ZEB2: variants seen among roughly 807,000 people sequenced by gnomAD.
ZEB2 encodes zinc finger E-box binding homeobox 2, also known as zinc finger E-box-binding homeobox 2.
Under a neutral mutation model 99.9 loss-of-function variants are expected in ZEB2, and 6 were observed. The observed-to-expected ratio is 0.06, with a 90% confidence interval of 0.03 to 0.12. ZEB2 has a LOEUF of 0.12. Among genes scored for constraint, ZEB2 ranks in the 10% least tolerant of loss-of-function variants. The pLI is 1.00. For synonymous variants in ZEB2, 517 were observed against 542.5 expected (o/e 0.95, Z 0.65); for missense variants, 969 against 1,502.8 (o/e 0.64, Z 5.87).
intron 4 of ZEB2, among the ~76,000 whole-genome samples, chr2:144,414,998 T>C (rs1044215130): frequency 5.0e-5 from 7 of 140,176 alleles, no homozygotes; most frequent in Non-Finnish European, 7.7e-5. Context: ...AATTTTTACT[T>C]TTTTTCTTTT....
chr2:144,385,882 C>G lies in ZEB2; in HGVS notation c.*3569G>C, dbSNP rs1020567642. ...TCTAATACATTTATTCATATTTATT[C>G]AAATATAGTCCCTTCTTTCCCCTTT... On this transcript the variant is annotated 3_prime_UTR_variant, in exon 10 of 10. Transcript: ENST00000627532. The G allele has an allele frequency of 2.0e-5, 3 of 152,050 alleles. No individual in the cohort carries two copies. Among genetic ancestry groups the G allele is most frequent in the African/African-American group, 7.2e-5 (3 of 41,406 alleles). The allele number at this position is 152,050 out of a possible 1,614,324, so 9.4% of individuals were successfully genotyped here.
rs761743497 is a variant in ZEB2 at position 144,429,693 on chromosome 2, G to A, written c.331+76C>T. The stretch of plus-strand genomic sequence containing the variant: ...ATATTTTAATTATTTGGTTGTGGGC[G>A]ATCTGCTAGGTGGAACAGATTAGTT... On this transcript the variant is annotated intron_variant, in intron 3 of 9. Coordinates refer to ENST00000627532, the MANE Select transcript of ZEB2 (RefSeq NM_014795.4). The A allele has an allele frequency of 1.2e-5, 20 of 1,603,886 alleles. No individual in the cohort carries two copies. In the African/African-American group the frequency reaches 1.6e-4, roughly 13 times the overall value.
chr2:144,454,463 T>C (rs553945391), intron 2 of ZEB2, among the ~76,000 whole-genome samples: 68 of 152,274 alleles, frequency 4.5e-4, no homozygotes, highest in Middle Eastern at 3.4e-3. Context: ...CGTTTTTTGT[T>C]TTATCATCCA....
intron 9 of ZEB2, among the ~76,000 whole-genome samples, chr2:144,391,112 C>A (rs1016407135): frequency 6.6e-6 from 1 of 152,170 alleles, no homozygotes; most frequent in African/African-American, 2.4e-5. Context: ...TGCTAAGTGT[C>A]ATGTTATAAG....
At chr2:144,480,535 T>A (rs1178306051) in intron 2 of ZEB2, among the ~76,000 whole-genome samples, 1 of 152,138 alleles carries the variant, frequency 6.6e-6, no homozygotes, top group Non-Finnish European at 1.5e-5. Context: ...ATTACAAGAA[T>A]GTTTAAGGAC....
intron 2 of ZEB2, among the ~76,000 whole-genome samples, chr2:144,452,839 G>A (rs930907359): frequency 2.6e-5 from 4 of 152,154 alleles, no homozygotes; most frequent in Admixed American, 2.6e-4. Context: ...TTTACGTGGG[G>A]ACAGGGGGGC....
intron 2 of ZEB2, among the ~76,000 whole-genome samples, chr2:144,502,114 G>T (rs907014511): frequency 6.6e-6 from 1 of 152,088 alleles, no homozygotes; most frequent in Non-Finnish European, 1.5e-5. Flanking sequence ...GTTTTACCCC[G>T]GAGATTCCAT....
intron 9 of ZEB2, among the ~76,000 whole-genome samples, chr2:144,395,610 G>A (rs1009358315): frequency 1.3e-5 from 2 of 152,164 alleles, no homozygotes; most frequent in Non-Finnish European, 2.9e-5. Context: ...TTATTGTTCA[G>A]GGAGGTGGGG....
intron 2 of ZEB2, among the ~76,000 whole-genome samples, chr2:144,498,376 C>T (rs1016310354): frequency 6.6e-6 from 1 of 151,384 alleles, no homozygotes; most frequent in Admixed American, 6.6e-5. Context: ...CCTCCTCCAT[C>T]CCACCACTCT....
At chr2:144,454,642 T>G (rs1573764743) in intron 2 of ZEB2, among the ~76,000 whole-genome samples, 1 of 152,320 alleles carries the variant, frequency 6.6e-6, no homozygotes, top group Middle Eastern at 3.4e-3. Context: ...TGTGTTTTGA[T>G]TAATATTGCA....
chr2:144,438,366 G>C (rs1207000265), intron 2 of ZEB2, among the ~76,000 whole-genome samples: 1 of 152,130 alleles, frequency 6.6e-6, no homozygotes, highest in Non-Finnish European at 1.5e-5. Context: ...CTTCAAGGTA[G>C]CAAGAGGTGT....
Position 144,388,936 on chromosome 2 carries a change from G to GAA in ZEB2, c.*513_*514dup. The GAA allele has an allele frequency of 1.6e-5, 6 of 371,850 alleles. No individual in the cohort carries two copies. Among genetic ancestry groups the GAA allele is most frequent in the South Asian group, 6.3e-5 (3 of 47,312 alleles). 23.0% of individuals were successfully genotyped at this position (371,850 alleles called of 1,614,324 possible). ...CTAAAATTGTGTGGTTACTTAAGCTGAAAAAAAAAATGGGAAATTGATGAA... is the reference window on the plus strand; with the variant it reads ...CTAAAATTGTGTGGTTACTTAAGCTGAAAAAAAAAAAATGGGAAATTGATGAA... On this transcript the variant is annotated 3_prime_UTR_variant, in exon 10 of 10. Coordinates refer to ENST00000627532, the MANE Select transcript of ZEB2 (RefSeq NM_014795.4). This position sits in a 1 kb window ranked among gnomAD's most constrained non-coding sequence, Gnocchi z 5.4.
intron 2 of ZEB2, among the ~76,000 whole-genome samples, chr2:144,452,095 G>A (rs905916547): frequency 2.6e-5 from 4 of 152,074 alleles, no homozygotes; most frequent in Admixed American, 2.0e-4. Context: ...CCACTCACTC[G>A]TACTGTATCT....
intron 2 of ZEB2, among the ~76,000 whole-genome samples, chr2:144,436,366 T>C (rs998744436): frequency 1.3e-5 from 2 of 152,212 alleles, no homozygotes; most frequent in African/African-American, 2.4e-5. Context: ...CATTATAAAT[T>C]AATGAGTTGT....
chr2:144,410,421 G>A (rs959903736), intron 4 of ZEB2, among the ~76,000 whole-genome samples: 1 of 152,138 alleles, frequency 6.6e-6, no homozygotes, highest in Non-Finnish European at 1.5e-5. Context: ...TTTTCAGACA[G>A]ATAATAATAA....
chr2:144,511,231 T>A lies in ZEB2; in HGVS notation c.73+6047A>T, dbSNP rs138761488. Among the ~76,000 whole-genome samples, 213 of 152,278 alleles carry A rather than the reference T, an allele frequency of 1.4e-3. 1 individual carries two copies. Among genetic ancestry groups the A allele is most frequent in the African/African-American group, 5.1e-3 (213 of 41,550 alleles). ...ATTTTCTTTTAAACAGGTGTATTCA[T>A]GTGGGCTACATATATGCATAATATG... On this transcript the variant is annotated intron_variant, in intron 2 of 9. Coordinates refer to ENST00000627532, the MANE Select transcript of ZEB2 (RefSeq NM_014795.4).
intron 2 of ZEB2, 106 bp downstream of exon 2, chr2:144,517,172 C>G: frequency 7.1e-7 from 1 of 1,402,540 alleles, no homozygotes; most frequent in Non-Finnish European, 1.0e-6. Context: ...GAGCCCTGGG[C>G]GCCGCCGCCG....
chr2:144,413,260 A>G (rs1461029077), intron 4 of ZEB2, among the ~76,000 whole-genome samples: 1 of 152,234 alleles, frequency 6.6e-6, no homozygotes, highest in Non-Finnish European at 1.5e-5. Context: ...GAAACCCCAG[A>G]CAACATCACA....
intron 2 of ZEB2, among the ~76,000 whole-genome samples, chr2:144,438,060 T>C (rs554107075): frequency 3.7e-4 from 56 of 152,310 alleles, no homozygotes; most frequent in South Asian, 2.3e-3. Context: ...CATGAACCCA[T>C]ACCTTCATCT....
Sources: gnomAD v4.1 joint callset for allele counts (sites outside exome capture counted in the v4.1 genomes callset) on GRCh38, gnomAD v4.1.1 for gene constraint, Gnocchi (gnomAD v3.1) non-coding constraint, MANE v1.5 for transcripts, NCBI Gene and HGNC (gene_info 2026-07-23, HGNC 2026-07-21) for gene names.